The following RET variants were observed in gnomAD, a reference collection of about 807,000 sequenced individuals.
The protein encoded by RET is ret proto-oncogene, also known as proto-oncogene tyrosine-protein kinase receptor Ret.
In RET, 19 loss-of-function variants were observed where a neutral mutation model predicts 118.3. The observed-to-expected ratio is 0.16, with a 90% CI of 0.11 to 0.24. The LOEUF is 0.24. Among genes scored for constraint, RET ranks in the 10% least tolerant of loss-of-function variants. The probability of loss-of-function intolerance (pLI) is 1.00; values close to 1 mark genes in which losing one functional copy is unlikely to be tolerated. For synonymous variants in RET, 597 were observed against 644.1 expected, an observed-to-expected ratio of 0.93 and a Z score of 1.11; for missense variants, 1,219 against 1,502.1, an observed-to-expected ratio of 0.81 and a Z score of 3.12.
chr10:43,106,522 C>G lies in RET; in HGVS notation c.1014C>G (p.Thr338=). ...GGGTGGAACACTGGCCCAACGAGACCTCGGTCCAGGCCAACGGCAGCTTCG... is the reference window on the plus strand; with the variant it reads ...GGGTGGAACACTGGCCCAACGAGACGTCGGTCCAGGCCAACGGCAGCTTCG... ...TFRVEHWPNE[T]SVQANGSFVR... The change falls in exon 5 of 20, where the codon ACC becomes ACG. Residue 338 remains threonine, a synonymous_variant. Coordinates refer to ENST00000355710, the MANE Select transcript of RET (RefSeq NM_020975.6). This position sits in a 1 kb window ranked among gnomAD's most constrained non-coding sequence, Gnocchi z 5.1. 6.2e-7 allele frequency: 1 copy of G among 1,613,848 alleles called. No homozygotes were observed. The highest frequency in any genetic ancestry group is 8.5e-7 in the Non-Finnish European group (1 of 1,179,838).
At chr10:43,117,029 T>G (rs1304548860) in intron 12 of RET, among the ~76,000 whole-genome samples, 1 of 152,250 alleles carries the variant, frequency 6.6e-6, no homozygotes, top group African/African-American at 2.4e-5. Context: ...GTCTGCCCCA[T>G]TCATTCCTCT....
intron 1 of RET, among the ~76,000 whole-genome samples, chr10:43,090,535 C>G (rs1166325546): frequency 6.6e-6 from 1 of 152,102 alleles, no homozygotes; most frequent in East Asian, 1.9e-4. Flanking sequence ...CCTGGGGGCT[C>G]AGGCACAACC....
chr10:43,119,976 C>G, intron 14 of RET, 105 bp from the exon 15 acceptor site: 2 of 1,538,446 alleles, frequency 1.3e-6, no homozygotes, highest in Non-Finnish European at 1.8e-6. Flanking sequence ...CTCACCAGGC[C>G]GCTACCCGGG....
chr10:43,128,811 AG>A lies in RET; in HGVS notation c.*546del, dbSNP rs1428543269. 1 of 250,892 alleles carries A rather than the reference AG, an allele frequency of 4.0e-6. No homozygotes were observed. The highest frequency in any genetic ancestry group is 7.8e-6 in the Non-Finnish European group (1 of 128,490). The allele number at this position is 250,892 out of a possible 1,614,324, so 15.5% of individuals were successfully genotyped here. ...TGCCCCTCCAGGGCTGGAGGGGAAG[AG>A]GGGCCCCGAGGATGGGCCTGGGCTC... On this transcript the variant is annotated 3_prime_UTR_variant, in exon 20 of 20. Coordinates refer to ENST00000355710, the MANE Select transcript of RET (RefSeq NM_020975.6).
intron 2 of RET, among the ~76,000 whole-genome samples, chr10:43,102,009 CAG>C (rs1491320684): frequency 2.2e-5 from 3 of 133,590 alleles, no homozygotes; most frequent in African/African-American, 5.1e-5. Context: ...GAGGGTGTGG[CAG>C]GGGGGGTGCT....
intron 12 of RET, 56 bp downstream of exon 12, chr10:43,116,787 GGT>G: frequency 1.0e-6 from 1 of 968,780 alleles, no homozygotes; most frequent in Non-Finnish European, 1.6e-6. Flanking sequence ...GCGGGGGGCG[GGT>G]GAGGCCCCTC....
intron 10 of RET, 135 bp downstream of exon 10, chr10:43,113,810 G>A: frequency 7.6e-7 from 1 of 1,316,016 alleles, no homozygotes; most frequent in Non-Finnish European, 1.0e-6. Flanking sequence ...CCTCCCTCTG[G>A]GCCTCTGTTA....
At chr10:43,121,123 G>A (rs1838208503) in intron 15 of RET, among the ~76,000 whole-genome samples, 1 of 152,192 alleles carries the variant, frequency 6.6e-6, no homozygotes, top group South Asian at 2.1e-4. Flanking sequence ...CTGCCCTGTG[G>A]AGGGTGTGGA....
chr10:43,085,705 G>T (rs1298275415), intron 1 of RET, among the ~76,000 whole-genome samples: 1 of 140,860 alleles, frequency 7.1e-6, no homozygotes, highest in Non-Finnish European at 1.6e-5. Context: ...CATGGGGGTA[G>T]TGTCAGATGA....
At chr10:43,100,830 G>A (rs773040053) in intron 2 of RET, 108 bp downstream of exon 2, 5 of 1,238,852 alleles carry the variant, frequency 4.0e-6, no homozygotes, top group Non-Finnish European at 4.5e-6. Flanking sequence ...CCCCCCCACC[G>A]CTGGTGTGGA....
intron 2 of RET, among the ~76,000 whole-genome samples, chr10:43,100,929 G>A (rs953001448): frequency 6.6e-6 from 1 of 152,224 alleles, no homozygotes; most frequent in Non-Finnish European, 1.5e-5. Context: ...TGAGGCTGTA[G>A]GAGTTTGGAG....
chr10:43,119,196 T>C (rs968430302), intron 13 of RET, among the ~76,000 whole-genome samples: 15 of 152,286 alleles, frequency 9.8e-5, no homozygotes, highest in Admixed American at 9.1e-4. Flanking sequence ...ATCCCCAGCC[T>C]GCACTGGGGC....
At chr10:43,127,533 G>T in intron 19 of RET, 4 of 943,268 alleles carry the variant, frequency 4.2e-6, no homozygotes, top group Non-Finnish European at 5.1e-6. Context: ...ATCATTGATT[G>T]TTTGAAATCT....
rs1228204486 is a variant in RET, at chr10:43,113,657, G to A, written c.1861G>A (p.Glu621Lys). The A allele has an allele frequency of 1.2e-6, 2 of 1,613,276 alleles. No individual in the cohort carries two copies. Among genetic ancestry groups the A allele is most frequent in the South Asian group, 1.1e-5 (1 of 90,952 alleles). The change falls in exon 10 of 20, where the codon GAG (glutamate) becomes AAG (lysine). Residue 621 changes from glutamate (E) to lysine (K), a missense_variant. Around this residue, in one of 5 missense-constraint regions of RET, gnomAD observed 850 missense variants for 969.6 expected, o/e 0.88. Transcript: ENST00000355710. The part of the protein sequence containing the change: ...CFPEEEKCFC[E>K]PEDIQDPLCD... ...CCCTGAGGAGGAGAAGTGCTTCTGCGAGCCCGAAGACATCCAGGGTGAGTG... is the reference window on the plus strand; with the variant it reads ...CCCTGAGGAGGAGAAGTGCTTCTGCAAGCCCGAAGACATCCAGGGTGAGTG...
chr10:43,119,176 C>T (rs1420056375), intron 13 of RET, among the ~76,000 whole-genome samples: 1 of 152,174 alleles, frequency 6.6e-6, no homozygotes, highest in African/African-American at 2.4e-5. Context: ...AGGCCTCTGC[C>T]TCCATCAGCA....
chr10:43,124,983 G>A lies in RET; in HGVS notation c.3039+1G>A. The A allele has an allele frequency of 6.2e-7, 1 of 1,614,064 alleles. No individual in the cohort carries two copies. Among genetic ancestry groups the A allele is most frequent in the Non-Finnish European group, 8.5e-7 (1 of 1,179,920 alleles). On this transcript the variant is annotated splice_donor_variant, in intron 18 of 19. Transcript: ENST00000355710. LOFTEE classifies it high-confidence loss of function. ...GGAGAAGATGATGGTTAAGAGGAGA[G>A]TGAGTGCCTGGGTCCAATTCCCACA...
chr10:43,118,561 C>T, intron 13 of RET, 81 bp downstream of exon 13: 2 of 1,039,262 alleles, frequency 1.9e-6, no homozygotes, highest in South Asian at 2.6e-5. Context: ...CCCTCTTTCT[C>T]CCTTTCCCTA....
chr10:43,113,134 G>A (rs569728429), intron 9 of RET, among the ~76,000 whole-genome samples, 171 bp downstream of exon 9: 2 of 152,274 alleles, frequency 1.3e-5, no homozygotes, highest in South Asian at 4.1e-4. Flanking sequence ...GGCAGGGTCA[G>A]GGACAGGGGG....
At position 43,114,467 on chromosome 10, in the gene RET, C is replaced by A. The variant is rs948277023; in HGVS notation, c.1880-13C>A. On this transcript the variant is annotated splice_polypyrimidine_tract_variant and intron_variant, in intron 10 of 19. Coordinates refer to ENST00000355710, the MANE Select transcript of RET (RefSeq NM_020975.6). This position sits in a 1 kb window ranked among gnomAD's most constrained non-coding sequence, Gnocchi z 4.6. ...TCTGGCGGTGCCAAGCCTCACACCA[C>A]CCCCACCCACAGATCCACTGTGCGA... is the stretch of plus-strand genomic sequence containing the variant. The A allele has an allele frequency of 1.4e-5, 23 of 1,605,128 alleles. No homozygotes were observed. The African/African-American group carries it at 2.9e-4, about 20-fold the overall frequency.
Sources: gnomAD v4.1 joint callset for allele counts (sites outside exome capture counted in the v4.1 genomes callset) on GRCh38, gnomAD v4.1.1 for gene constraint, gnomAD v4.1.1 regional missense constraint, Gnocchi (gnomAD v3.1) non-coding constraint, MANE v1.5 for transcripts, NCBI Gene and HGNC (gene_info 2026-07-23, HGNC 2026-07-21) for gene names.